SLC44A2: variants seen among roughly 807,000 people sequenced by gnomAD.
SLC44A2 encodes the protein solute carrier family 44 member 2 (CTL2 blood group).
In SLC44A2, 57 loss-of-function variants were observed where a neutral mutation model predicts 90.8. The observed-to-expected ratio is 0.63, with a 90% CI of 0.51 to 0.78. SLC44A2 has a LOEUF of 0.78. SLC44A2 is among the 30% of genes least tolerant of loss of function. The pLI, the probability that SLC44A2 is intolerant of heterozygous loss-of-function variation, is 0.00. For missense variants in SLC44A2, 794 were observed against 919.7 expected (o/e 0.86, Z 1.77); for synonymous variants, 355 against 360.7 (o/e 0.98, Z 0.18).
intron 1 of SLC44A2, among the ~76,000 whole-genome samples, chr19:10,603,217 C>G (rs929023027): frequency 1.1e-4 from 16 of 152,308 alleles, no homozygotes; most frequent in African/African-American, 3.8e-4. Context: ...CGGCGAACCT[C>G]TTGGGGCGAC....
intron 1 of SLC44A2, among the ~76,000 whole-genome samples, chr19:10,606,559 T>C (rs62129985): frequency 0.23 from 34,314 of 151,114 alleles, 4,435 homozygotes; most frequent in Non-Finnish European, 0.3. Flanking sequence ...GCCTCTAATA[T>C]CAGCACTTTG....
Position 10,643,536 on chromosome 19 carries a change from G to A in SLC44A2, c.*151G>A. On this transcript the variant is annotated 3_prime_UTR_variant, in exon 22 of 22. Coordinates refer to ENST00000335757, the MANE Select transcript of SLC44A2 (RefSeq NM_020428.4). ...CCAGATCCCACCAGTTTCTGGACGT[G>A]GAGAGTCTGGGGCATCTCCTTCTTA... The A allele has an allele frequency of 2.2e-6, 2 of 908,474 alleles. No homozygotes were observed. Among genetic ancestry groups the A allele is most frequent in the Non-Finnish European group, 3.2e-6 (2 of 626,162 alleles). 56.3% of individuals were successfully genotyped at this position (908,474 alleles called of 1,614,324 possible). A position where few individuals can be genotyped will look rare whatever the true frequency, so the allele number is the denominator to read the frequency against.
intron 1 of SLC44A2, among the ~76,000 whole-genome samples, chr19:10,610,358 G>A (rs1643557541): frequency 7.3e-6 from 1 of 137,706 alleles, no homozygotes; most frequent in Admixed American, 7.5e-5. Flanking sequence ...TTGAGACTGA[G>A]TCTCACTCAG....
chr19:10,606,909 C>CTTTTTTTTTTTTTT (rs1466602465), intron 1 of SLC44A2, among the ~76,000 whole-genome samples: 1 of 145,000 alleles, frequency 6.9e-6, no homozygotes, highest in Non-Finnish European at 1.5e-5. Flanking sequence ...TTACTTACGG[C>CTTTTTTTTTTTTTT]TATTTTTTTT....
At chr19:10,625,801 C>G in intron 1 of SLC44A2, 131 bp downstream of exon 1, 1 of 803,126 alleles carries the variant, frequency 1.2e-6, no homozygotes, top group Non-Finnish European at 1.7e-6. Flanking sequence ...CTGGAGCCTC[C>G]CCACCATCAG....
upstream of SLC44A2, among the ~76,000 whole-genome samples, chr19:10,622,842 C>T (rs1599238655): frequency 6.6e-6 from 1 of 152,106 alleles, no homozygotes; most frequent in African/African-American, 2.4e-5. Context: ...GTCAAAGCTA[C>T]AGTGAGCTGT....
At chr19:10,615,160 G>A (rs945769327) in intron 1 of SLC44A2, among the ~76,000 whole-genome samples, 1 of 151,846 alleles carries the variant, frequency 6.6e-6, no homozygotes, top group Non-Finnish European at 1.5e-5. Context: ...GCTGGGCGTG[G>A]TGGCTCACAC....
chr19:10,635,273 C>G lies in SLC44A2; in HGVS notation c.1148+18C>G. 7 of 1,613,758 alleles carry G rather than the reference C, an allele frequency of 4.3e-6. No homozygotes were observed. Among genetic ancestry groups the G allele is most frequent in the Non-Finnish European group, 5.9e-6 (7 of 1,179,746 alleles). On this transcript the variant is annotated intron_variant, in intron 13 of 21. Coordinates refer to ENST00000335757, the MANE Select transcript of SLC44A2 (RefSeq NM_020428.4). ...ACTGCTGTGTATCTGCCCCCAGACA[C>G]TGATCTCTGACCCCAGGGATGGCTA...
intron 1 of SLC44A2, among the ~76,000 whole-genome samples, chr19:10,602,736 C>A (rs111638688): frequency 6.6e-6 from 1 of 152,182 alleles, no homozygotes; most frequent in Non-Finnish European, 1.5e-5. Flanking sequence ...AACCGGGTCG[C>A]CCCGCGTCCC....
intron 16 of SLC44A2, 146 bp from the exon 17 acceptor site, chr19:10,637,498 A>G (rs964512018): frequency 7.2e-6 from 5 of 692,410 alleles, no homozygotes; most frequent in African/African-American, 3.5e-5. Flanking sequence ...TGCAGCCTCA[A>G]ACTCCTGGGC....
chr19:10,642,459 A>G lies in SLC44A2; in HGVS notation c.2014+8A>G, dbSNP rs756047237. The stretch of plus-strand genomic sequence containing the variant: ...CGCTGTTCCTCTGCTTCTGTGAGTG[A>G]CCCCTCACCCCAAACCTTGCTGGGC... On this transcript the variant is annotated splice_region_variant and intron_variant, in intron 21 of 21. Coordinates refer to ENST00000335757, the MANE Select transcript of SLC44A2 (RefSeq NM_020428.4). 6.2e-7 allele frequency: 1 copy of G among 1,612,630 alleles called. No individual in the cohort carries two copies. Among genetic ancestry groups the G allele is most frequent in the South Asian group, 1.1e-5 (1 of 91,022 alleles).
chr19:10,615,734 G>A (rs1410557481), intron 1 of SLC44A2, among the ~76,000 whole-genome samples: 2 of 152,178 alleles, frequency 1.3e-5, no homozygotes, highest in African/African-American at 4.8e-5. Context: ...AAGGTTAACT[G>A]TCCAAACATT....
In SLC44A2 at chr19:10,626,979, C is replaced by T. The variant is rs559053101; in HGVS notation, c.86+678C>T. Among the ~76,000 whole-genome samples the T allele has an allele frequency of 1.9e-3, 285 of 151,768 alleles. 2 individuals are homozygous for T. The highest frequency in any genetic ancestry group is 5.8e-3 in the African/African-American group (242 of 41,406). Reference sequence around the variant, plus strand: ...AAGCTGAGATTGCGCCACTGCACTCCAGCCTGGAGGACAAGAGCGAGACTC... The same window carrying T: ...AAGCTGAGATTGCGCCACTGCACTCTAGCCTGGAGGACAAGAGCGAGACTC... On this transcript the variant is annotated intron_variant, in intron 2 of 21. Transcript: ENST00000335757.
intron 4 of SLC44A2, among the ~76,000 whole-genome samples, chr19:10,629,990 G>C (rs900300490): frequency 2.6e-5 from 4 of 152,084 alleles, no homozygotes; most frequent in Non-Finnish European, 4.4e-5. Context: ...CCTGACCTCA[G>C]GTGATCCGCC....
At chr19:10,635,576 A>C in intron 14 of SLC44A2, 61 bp downstream of exon 14, 1 of 1,440,422 alleles carries the variant, frequency 6.9e-7, no homozygotes, top group Non-Finnish European at 9.6e-7. Flanking sequence ...ATGATTTGAA[A>C]CCTCTCATGT....
Position 10,626,399 on chromosome 19 carries a change from C to G in SLC44A2, c.86+98C>G, listed in dbSNP as rs966545044. 4.5e-5 allele frequency: 41 copies of G among 901,562 alleles called. No individual in the cohort carries two copies. In the African/African-American group the frequency reaches 6.6e-4, roughly 14 times the overall value. The allele number at this position is 901,562 out of a possible 1,614,324, so 55.8% of individuals were successfully genotyped here. A position where few individuals can be genotyped will look rare whatever the true frequency, so the allele number is the denominator to read the frequency against. On this transcript the variant is annotated intron_variant, in intron 2 of 21. Transcript: ENST00000335757. ...CATCTGTTCTCCAACAAACTGGTGA[C>G]AAATATTTGAAACTTTTTTTTTTTT...
intron 1 of SLC44A2, among the ~76,000 whole-genome samples, chr19:10,609,040 C>T (rs150766173): frequency 0.013 from 1,853 of 144,810 alleles, 19 homozygotes; most frequent in Non-Finnish European, 0.021. Context: ...TCACTGCAAA[C>T]TCCACCTCCT....
rs370138418 is a variant in SLC44A2, at chr19:10,634,867, G to A, written c.935G>A (p.Arg312Gln). 1.2e-5 allele frequency: 20 copies of A among 1,614,044 alleles called. No homozygotes were observed. The highest frequency in any genetic ancestry group is 4.0e-5 in the African/African-American group (3 of 74,914). The stretch of plus-strand genomic sequence containing the variant: ...GATTTCCGGGTGTACCTGCACTTAC[G>A]GCAGACCTGGTTGGCCTTTAGTGAG... Reference protein sequence around the residue: ...QTDFRVYLHLRQTWLAFMIIL... With the variant: ...QTDFRVYLHLQQTWLAFMIIL... Residue 312 changes from arginine (R) to glutamine (Q), a missense_variant, in exon 11 of 22, where the codon CGG becomes CAG. By Grantham distance (43) the Arg-to-Gln change is conservative. This residue lies in a region of SLC44A2 where 738 missense variants were observed against 841.1 expected (regional missense o/e 0.88). Coordinates refer to ENST00000335757, the MANE Select transcript of SLC44A2 (RefSeq NM_020428.4).
At position 10,631,870 on chromosome 19, in the gene SLC44A2, A is replaced by G; in HGVS notation, c.629A>G (p.Lys210Arg). Residue 210 changes from lysine (K) to arginine (R), a missense_variant and splice_region_variant, in exon 9 of 22, where the codon AAA becomes AGA. By Grantham distance (26) the Lys-to-Arg change is conservative. Coordinates refer to ENST00000335757, the MANE Select transcript of SLC44A2 (RefSeq NM_020428.4). ...NITDLVEGAK[K>R]ANGVLEARQL... is the part of the protein sequence containing the mutation. ...GAGCCTTGTCCTCCTTCCCCCAGGAAAGCCAATGGAGTCCTAGAGGCGCGG... is the reference window on the plus strand; with the variant it reads ...GAGCCTTGTCCTCCTTCCCCCAGGAGAGCCAATGGAGTCCTAGAGGCGCGG... 6.2e-7 allele frequency: 1 copy of G among 1,614,248 alleles called. No homozygotes were observed. The highest frequency in any genetic ancestry group is 1.1e-5 in the South Asian group (1 of 91,090).
Sources: allele counts gnomAD v4.1 joint callset (sites outside exome capture counted in the v4.1 genomes callset), GRCh38; gene constraint gnomAD v4.1.1; regional missense constraint gnomAD v4.1.1; transcripts MANE v1.5; gene names NCBI Gene and HGNC (gene_info 2026-07-23, HGNC 2026-07-21).